The following IMPA2 variants were observed in gnomAD, a reference collection of about 807,000 sequenced individuals.
IMPA2 encodes the protein inositol monophosphatase 2.
IMPA2 carries 32 observed loss-of-function variants against 35.1 expected under a neutral mutation model. That is an observed-to-expected ratio of 0.91 (90% confidence interval 0.69 to 1.23). The LOEUF is 1.23. IMPA2 is among the 50% of genes most tolerant of loss of function. IMPA2 has a pLI of 0.00. For missense variants in IMPA2, 334 were observed against 387.6 expected, an observed-to-expected ratio of 0.86 and a Z score of 1.16; for synonymous variants, 135 against 160.6, an observed-to-expected ratio of 0.84 and a Z score of 1.20.
intron 1 of IMPA2, among the ~76,000 whole-genome samples, chr18:11,995,245 T>G (rs1456010323): frequency 6.6e-6 from 1 of 152,226 alleles, no homozygotes; most frequent in Non-Finnish European, 1.5e-5. Context: ...AGGTGTTTCT[T>G]CCTGCATGGG....
Position 12,028,626 on chromosome 18 carries a change from G to A in IMPA2, c.600-216G>A, listed in dbSNP as rs1004838007. 1.6e-4 allele frequency: 91 copies of A among 577,500 alleles called. 1 individual carries two copies. Among genetic ancestry groups the A allele is most frequent in the South Asian group, 4.6e-4 (20 of 43,506 alleles). 35.8% of individuals were successfully genotyped at this position (577,500 alleles called of 1,614,324 possible). ...CAGGTGCTCAGTAGCTAGGTCAGCT[G>A]GGAGCTGTCATGGCACAAGGCATTT... On this transcript the variant is annotated intron_variant, in intron 6 of 7. Transcript: ENST00000269159.
intron 1 of IMPA2, among the ~76,000 whole-genome samples, chr18:11,995,584 CAG>C (rs1230118957): frequency 2.0e-5 from 3 of 152,176 alleles, no homozygotes; most frequent in African/African-American, 7.2e-5. Context: ...CACATAGTGA[CAG>C]GGCGCCACCA....
chr18:12,022,992 C>A (rs1027838962), intron 5 of IMPA2, among the ~76,000 whole-genome samples: 3 of 128,350 alleles, frequency 2.3e-5, no homozygotes, highest in Non-Finnish European at 4.8e-5. Context: ...ACAGGGTTTC[C>A]CTGTGTTGGC....
intron 2 of IMPA2, among the ~76,000 whole-genome samples, 171 bp from the exon 3 acceptor site, chr18:12,009,712 A>G (rs1443030306): frequency 2.0e-5 from 3 of 152,204 alleles, no homozygotes; most frequent in Admixed American, 2.0e-4. Flanking sequence ...GCTGGCAGGC[A>G]GGTCAAAAAG....
At chr18:12,027,590 T>TAA (rs1555647333) in intron 5 of IMPA2, among the ~76,000 whole-genome samples, 7 of 129,110 alleles carry the variant, frequency 5.4e-5, no homozygotes, top group East Asian at 5.8e-4. Context: ...TTTTTTTTTT[T>TAA]AAAGAAACAG....
intron 2 of IMPA2, among the ~76,000 whole-genome samples, chr18:12,001,058 G>A (rs1047239221): frequency 7.3e-5 from 11 of 151,596 alleles, no homozygotes; most frequent in Non-Finnish European, 1.0e-4. Context: ...GTGAAACCTC[G>A]TCCCTACTAA....
chr18:12,021,311 T>C (rs1261926397), intron 5 of IMPA2, among the ~76,000 whole-genome samples: 1 of 151,980 alleles, frequency 6.6e-6, no homozygotes, highest in East Asian at 1.9e-4. Context: ...GAGTTCAAGG[T>C]AACAGAAGTT....
intron 1 of IMPA2, among the ~76,000 whole-genome samples, chr18:11,997,351 A>T (rs7244849): frequency 6.6e-6 from 1 of 152,106 alleles, no homozygotes; most frequent in Non-Finnish European, 1.5e-5. Flanking sequence ...GGGCCTGGGC[A>T]GTGGGAGCTG....
At chr18:12,028,772 G>A in intron 6 of IMPA2, 70 bp from the exon 7 acceptor site, 2 of 1,524,054 alleles carry the variant, frequency 1.3e-6, no homozygotes, top group Non-Finnish European at 1.8e-6. Context: ...GTACCTGGCT[G>A]AAGTCGGCTT....
At chr18:12,006,149 T>C (rs574493982) in intron 2 of IMPA2, among the ~76,000 whole-genome samples, 181 of 152,330 alleles carry the variant, frequency 1.2e-3, no homozygotes, top group African/African-American at 4.1e-3. Flanking sequence ...CTAGGAAAAC[T>C]GGCAGTGCTG....
rs1158665365 is a variant in IMPA2 at position 12,029,108 on chromosome 18, G to GTTTT, written c.751+137_751+140dup. 668 of 266,848 alleles carry GTTTT rather than the reference G, an allele frequency of 2.5e-3. 10 individuals are homozygous for GTTTT. Among genetic ancestry groups the GTTTT allele is most frequent in the African/African-American group, 9.9e-3 (204 of 20,700 alleles). The allele number at this position is 266,848 out of a possible 1,614,324, so 16.5% of individuals were successfully genotyped here. Reference sequence around the variant, plus strand: ...ATTTCCCACCTTCCCCAGAGTTTCTGTTTTTTTTTTTTTTTTTTTTTTTTT... The same window carrying GTTTT: ...ATTTCCCACCTTCCCCAGAGTTTCTGTTTTTTTTTTTTTTTTTTTTTTTTTTTTT... On this transcript the variant is annotated intron_variant, in intron 7 of 7. Transcript: ENST00000269159.
chr18:12,030,030 G>A (rs556753903), intron 7 of IMPA2, among the ~76,000 whole-genome samples: 6 of 152,202 alleles, frequency 3.9e-5, no homozygotes, highest in African/African-American at 1.2e-4. Flanking sequence ...TCCCCTGTTC[G>A]GGTCTAGCCC....
At chr18:12,003,643 T>TC (rs1907172650) in intron 2 of IMPA2, among the ~76,000 whole-genome samples, 2 of 118,440 alleles carry the variant, frequency 1.7e-5, no homozygotes, top group Admixed American at 1.1e-4. Context: ...TCAGTGAGAC[T>TC]CCATCTTAAA....
At chr18:11,985,166 A>G (rs1268171836) in intron 1 of IMPA2, among the ~76,000 whole-genome samples, 1 of 149,512 alleles carries the variant, frequency 6.7e-6, no homozygotes, top group Non-Finnish European at 1.5e-5. Flanking sequence ...AAAAAAAAAA[A>G]AAAGAGAAAA....
chr18:12,004,814 C>T (rs1907208644), intron 2 of IMPA2, among the ~76,000 whole-genome samples: 1 of 152,100 alleles, frequency 6.6e-6, no homozygotes, highest in Non-Finnish European at 1.5e-5. Context: ...CGTGAGCCAC[C>T]GTGCCCTGCC....
In IMPA2 at chr18:12,016,707, C is replaced by T. The variant is rs1446567438; in HGVS notation, c.490+2334C>T. ...GTGTTGGGCTTACAGGTGTGAGCCA[C>T]CACACCTGGCCGATTCTGCCACTTT... is the stretch of plus-strand genomic sequence containing the variant. On this transcript the variant is annotated intron_variant, in intron 5 of 7. Transcript: ENST00000269159. Among the ~76,000 whole-genome samples the T allele has an allele frequency of 3.3e-5, 5 of 152,290 alleles. No individual in the cohort carries two copies. The East Asian group carries it at 9.6e-4, about 29-fold the overall frequency.
intron 1 of IMPA2, among the ~76,000 whole-genome samples, chr18:11,995,255 G>A (rs1479838454): frequency 6.6e-6 from 1 of 152,232 alleles, no homozygotes; most frequent in African/African-American, 2.4e-5. Context: ...TCCTGCATGG[G>A]CAGCACCACA....
chr18:12,007,861 C>T, intron 2 of IMPA2, among the ~76,000 whole-genome samples: 1 of 151,702 alleles, frequency 6.6e-6, no homozygotes, highest in Non-Finnish European at 1.5e-5. Context: ...CACTGCATCC[C>T]TCCCGTCCTG....
intron 5 of IMPA2, among the ~76,000 whole-genome samples, chr18:12,022,941 A>AT (rs35737614): frequency 0.33 from 27,349 of 81,652 alleles, 5,801 homozygotes; most frequent in Non-Finnish European, 0.45. Flanking sequence ...CGCCTGCCTA[A>AT]TTTTTTTTTT....
Sources: gnomAD v4.1 joint callset for allele counts (sites outside exome capture counted in the v4.1 genomes callset) on GRCh38, gnomAD v4.1.1 for gene constraint, MANE v1.5 for transcripts, NCBI Gene and HGNC (gene_info 2026-07-23, HGNC 2026-07-21) for gene names.